The following IDE variants were observed in gnomAD, a reference collection of about 807,000 sequenced individuals.
IDE encodes the protein insulin degrading enzyme.
Under a neutral mutation model 133.2 loss-of-function variants are expected in IDE, and 58 were observed. That is an observed-to-expected ratio of 0.44 (90% CI 0.35 to 0.54). The LOEUF is 0.54. IDE is among the 20% of genes least tolerant of loss of function. The pLI is 0.00. For synonymous variants in IDE, 396 were observed against 421.3 expected (o/e 0.94, Z 0.73); for missense variants, 981 against 1,234.0 (o/e 0.79, Z 3.07).
Position 92,514,950 on chromosome 10 carries a change from T to G in IDE, c.754A>C (p.Asn252His). Residue 252 changes from asparagine to histidine, a missense_variant, in exon 5 of 25, where the codon AAC (asparagine) becomes CAC (histidine). This residue lies in a region of IDE where 321 missense variants were observed against 339.3 expected (regional missense o/e 0.95). Coordinates refer to ENST00000265986, the MANE Select transcript of IDE (RefSeq NM_004969.4). ...LKFHSAYYSS[N>H]LMAVCVLGRE... ...CCTAAAACACAAACAGCCATTAAGT[T>G]GGATGAATAGTAAGCAGAATGGAAT... 6.2e-7 allele frequency: 1 copy of G among 1,612,908 alleles called. No individual in the cohort carries two copies. The highest frequency in any genetic ancestry group is 8.5e-7 in the Non-Finnish European group (1 of 1,179,238).
chr10:92,551,166 G>A (rs1414918896), intron 1 of IDE, among the ~76,000 whole-genome samples: 1 of 152,204 alleles, frequency 6.6e-6, no homozygotes, highest in Non-Finnish European at 1.5e-5. Flanking sequence ...AGTGTCCACT[G>A]ATGGATGAAT....
In IDE at chr10:92,474,834, G is replaced by A; in HGVS notation, c.2116+7C>T. Reference sequence around the variant, plus strand: ...GAAAGCATTAAGCTTTAAGTAGAAAGTCTCACCATCCAGAGCTTCTTTTAA... The same window carrying A: ...GAAAGCATTAAGCTTTAAGTAGAAAATCTCACCATCCAGAGCTTCTTTTAA... On this transcript the variant is annotated splice_region_variant and intron_variant, in intron 17 of 24. Transcript: ENST00000265986. The A allele has an allele frequency of 6.2e-7, 1 of 1,602,092 alleles. No homozygotes were observed.
chr10:92,548,359 C>CAAAAAAAAAA (rs56347361), intron 1 of IDE, among the ~76,000 whole-genome samples: 1 of 39,700 alleles, frequency 2.5e-5, no homozygotes, highest in African/African-American at 1.2e-4. Flanking sequence ...AACTCCATCT[C>CAAAAAAAAAA]AAAAAAAAAA....
chr10:92,535,196 T>A (rs1013310870), intron 2 of IDE, among the ~76,000 whole-genome samples: 1 of 152,144 alleles, frequency 6.6e-6, no homozygotes, highest in Non-Finnish European at 1.5e-5. Flanking sequence ...CTCCGCCTCC[T>A]GGGTTCACGC....
intron 13 of IDE, 46 bp from the exon 14 acceptor site, chr10:92,483,383 G>T: frequency 2.0e-6 from 2 of 1,018,140 alleles, no homozygotes; most frequent in Non-Finnish European, 3.1e-6. Flanking sequence ...GGCGCATTCA[G>T]CAAAAATGTT....
intron 1 of IDE, chr10:92,541,255 A>G (rs1842289155): frequency 8.7e-6 from 4 of 457,204 alleles, no homozygotes; most frequent in South Asian, 3.2e-5. Flanking sequence ...GGGTTTACCT[A>G]TAGCATATCT....
chr10:92,487,332 G>A lies in IDE; in HGVS notation c.1534-14C>T. 1 of 1,606,064 alleles carries A rather than the reference G, an allele frequency of 6.2e-7. No individual in the cohort carries two copies. Among genetic ancestry groups the A allele is most frequent in the Non-Finnish European group, 8.5e-7 (1 of 1,175,576 alleles). ...ATTTTGCCATTTCTGGATGAATAAT[G>A]AAACACACAAATGCAGTAAGAGTCT... On this transcript the variant is annotated splice_polypyrimidine_tract_variant and intron_variant, in intron 12 of 24. Coordinates refer to ENST00000265986, the MANE Select transcript of IDE (RefSeq NM_004969.4).
intron 11 of IDE, among the ~76,000 whole-genome samples, chr10:92,504,310 T>C (rs912689734): frequency 2.0e-5 from 3 of 152,180 alleles, no homozygotes; most frequent in African/African-American, 4.8e-5. Flanking sequence ...TCTGCTACTA[T>C]AAGAGTTTGG....
At chr10:92,466,902 G>C (rs1845725240) in intron 19 of IDE, among the ~76,000 whole-genome samples, 1 of 151,656 alleles carries the variant, frequency 6.6e-6, no homozygotes, top group Admixed American at 6.6e-5. Context: ...ACAGGTGTGA[G>C]CCACTGCACC....
At chr10:92,540,864 T>C (rs1842267830) in intron 1 of IDE, among the ~76,000 whole-genome samples, 1 of 152,160 alleles carries the variant, frequency 6.6e-6, no homozygotes, top group East Asian at 1.9e-4. Flanking sequence ...GGATTTTAAT[T>C]TTTTTAGACA....
At chr10:92,517,323 C>T (rs1400280536) in intron 4 of IDE, among the ~76,000 whole-genome samples, 4 of 152,172 alleles carry the variant, frequency 2.6e-5, no homozygotes, top group Non-Finnish European at 4.4e-5. Flanking sequence ...TAACCTTAAC[C>T]TTAACTCATT....
intron 8 of IDE, 68 bp from the exon 9 acceptor site, chr10:92,507,734 T>C (rs1301491561): frequency 1.1e-6 from 1 of 880,620 alleles, no homozygotes; most frequent in African/African-American, 1.6e-5. Context: ...AGCTCACTCC[T>C]AAGGTAAAGT....
At chr10:92,537,335 A>G in intron 2 of IDE, 31 bp downstream of exon 2, 1 of 1,551,504 alleles carries the variant, frequency 6.4e-7, no homozygotes, top group Middle Eastern at 1.7e-4. Context: ...ATGAAACAAA[A>G]CAAAGCTTAA....
At chr10:92,530,717 A>T (rs1376914887) in intron 4 of IDE, among the ~76,000 whole-genome samples, 1 of 152,244 alleles carries the variant, frequency 6.6e-6, no homozygotes, top group Non-Finnish European at 1.5e-5. Flanking sequence ...TCATCTTGGC[A>T]ATTATGTTAA....
intron 1 of IDE, among the ~76,000 whole-genome samples, chr10:92,538,031 C>A (rs1054199504): frequency 1.3e-5 from 2 of 152,020 alleles, no homozygotes; most frequent in Non-Finnish European, 2.9e-5. Flanking sequence ...CAACACCACA[C>A]CCAGTTAATT....
At chr10:92,475,298 C>A (rs1802283485) in intron 16 of IDE, among the ~76,000 whole-genome samples, 1 of 152,056 alleles carries the variant, frequency 6.6e-6, no homozygotes, top group South Asian at 2.1e-4. Context: ...AAAGCCATCC[C>A]CAAAGTCTCC....
At chr10:92,547,264 T>A (rs936511151) in intron 1 of IDE, among the ~76,000 whole-genome samples, 1 of 136,756 alleles carries the variant, frequency 7.3e-6, no homozygotes, top group African/African-American at 2.7e-5. Flanking sequence ...TTTTTTTTTT[T>A]AGTAGAGACA....
chr10:92,571,969 G>A lies in IDE; in HGVS notation c.98+1953C>T, dbSNP rs905962157. 8.5e-5 allele frequency among the ~76,000 whole-genome samples: 13 copies of A among 152,130 alleles called. 1 individual carries two copies. The highest frequency in any genetic ancestry group is 1.5e-5 in the Non-Finnish European group (1 of 68,040). On this transcript the variant is annotated intron_variant, in intron 1 of 24. Coordinates refer to ENST00000265986, the MANE Select transcript of IDE (RefSeq NM_004969.4). ...CTAAAACTATGCCCTAATCCCTTTG[G>A]TTGGACCTGTATTTTCCTCAAAAGC...
Position 92,522,611 on chromosome 10 carries a change from G to A in IDE, c.662-7569C>T, listed in dbSNP as rs1389865573. Reference sequence around the variant, plus strand: ...TCAGGAGAAGTGAAACTGCATCTCCGCTAAGATCCTGGAGAAATAAATTCT... The same window carrying A: ...TCAGGAGAAGTGAAACTGCATCTCCACTAAGATCCTGGAGAAATAAATTCT... On this transcript the variant is annotated intron_variant, in intron 4 of 24. Transcript: ENST00000265986. 3.9e-5 allele frequency among the ~76,000 whole-genome samples: 6 copies of A among 152,054 alleles called. No individual in the cohort carries two copies. In the East Asian group the frequency reaches 5.8e-4, roughly 15 times the overall value.
Sources: allele counts gnomAD v4.1 joint callset (sites outside exome capture counted in the v4.1 genomes callset), GRCh38; gene constraint gnomAD v4.1.1; regional missense constraint gnomAD v4.1.1; transcripts MANE v1.5; gene names NCBI Gene and HGNC (gene_info 2026-07-23, HGNC 2026-07-21).